The following SLC5A11 variants were observed in gnomAD, a reference collection of about 807,000 sequenced individuals.
The protein encoded by SLC5A11 is sodium/myo-inositol cotransporter 2.
SLC5A11 carries 48 observed loss-of-function variants against 69.8 expected under a neutral mutation model. The observed-to-expected ratio is 0.69, with a 90% CI of 0.55 to 0.87. The LOEUF (loss-of-function observed/expected upper bound fraction) is 0.87. Among genes scored for constraint, SLC5A11 ranks in the 40% least tolerant of loss-of-function variants. The probability of loss-of-function intolerance (pLI) is 0.00; values close to 1 mark genes in which losing one functional copy is unlikely to be tolerated. For synonymous variants in SLC5A11, 319 were observed against 342.4 expected (o/e 0.93, Z 0.75); for missense variants, 784 against 866.1 (o/e 0.91, Z 1.19).
intron 1 of SLC5A11, among the ~76,000 whole-genome samples, chr16:24,857,287 G>A (rs1318315225): frequency 5.9e-5 from 9 of 152,190 alleles, no homozygotes; most frequent in African/African-American, 1.9e-4. Context: ...AATGCCCAAA[G>A]GCCAACAGAG....
intron 8 of SLC5A11, among the ~76,000 whole-genome samples, chr16:24,888,863 C>T (rs901096616): frequency 8.1e-6 from 1 of 122,842 alleles, no homozygotes; most frequent in African/African-American, 3.1e-5. Context: ...GTGGTGTGAT[C>T]TTGGCTCACT....
At chr16:24,893,786 A>G (rs1200643871) in intron 9 of SLC5A11, among the ~76,000 whole-genome samples, 2 of 151,914 alleles carry the variant, frequency 1.3e-5, no homozygotes, top group African/African-American at 4.8e-5. Context: ...TGGCCAGGCT[A>G]GTCTTGAACT....
At chr16:24,850,491 G>A (rs752461801) in intron 1 of SLC5A11, among the ~76,000 whole-genome samples, 1 of 152,220 alleles carries the variant, frequency 6.6e-6, no homozygotes, top group Non-Finnish European at 1.5e-5. Context: ...GGCAGTCAGC[G>A]CCACTGCAGC....
chr16:24,866,461 C>G (rs550377979), intron 3 of SLC5A11, among the ~76,000 whole-genome samples: 1 of 151,576 alleles, frequency 6.6e-6, no homozygotes, highest in African/African-American at 2.4e-5. Flanking sequence ...GCCTGTAGTC[C>G]CAGCTACTCA....
intron 1 of SLC5A11, among the ~76,000 whole-genome samples, chr16:24,849,585 AAAAAAAAAATAT>A (rs1567552520): frequency 2.3e-5 from 2 of 86,938 alleles, no homozygotes; most frequent in African/African-American, 7.8e-5. Context: ...AAAAAAAAAA[AAAAAAAAAATAT>A]ATATATATAT....
intron 3 of SLC5A11, among the ~76,000 whole-genome samples, chr16:24,863,966 C>T (rs1040332098): frequency 1.3e-5 from 2 of 152,200 alleles, no homozygotes; most frequent in African/African-American, 2.4e-5. Flanking sequence ...TTTGACCTTA[C>T]GTAGAACTCA....
chr16:24,866,754 A>G (rs2046945180), intron 3 of SLC5A11, among the ~76,000 whole-genome samples: 1 of 152,118 alleles, frequency 6.6e-6, no homozygotes, highest in African/African-American at 2.4e-5. Context: ...GACAAAATAG[A>G]CTTTAAGATA....
chr16:24,901,027 A>G (rs2049552180), intron 10 of SLC5A11, among the ~76,000 whole-genome samples: 1 of 151,988 alleles, frequency 6.6e-6, no homozygotes, highest in Non-Finnish European at 1.5e-5. Context: ...TGGAGTGTGG[A>G]TATGAATATG....
chr16:24,904,947 A>AC (rs1237445359), intron 10 of SLC5A11, among the ~76,000 whole-genome samples: 2 of 146,718 alleles, frequency 1.4e-5, no homozygotes, highest in Non-Finnish European at 3.0e-5. Flanking sequence ...CTTGCCCTCC[A>AC]CCCCCCGACA....
At chr16:24,863,528 T>C (rs1489834594) in intron 3 of SLC5A11, among the ~76,000 whole-genome samples, 1 of 151,746 alleles carries the variant, frequency 6.6e-6, no homozygotes, top group Non-Finnish European at 1.5e-5. Context: ...TAAAGTAAAT[T>C]ACAGGCCCGC....
At chr16:24,911,470 C>T (rs1019390482) in exon 16 of SLC5A11, 6 of 1,614,144 alleles carry the variant, frequency 3.7e-6, no homozygotes, top group Middle Eastern at 1.6e-4. Context: ...TGAAGACCCT[C>T]CTGGACGTCA....
At chr16:24,883,111 T>A (rs1370088049) in intron 7 of SLC5A11, among the ~76,000 whole-genome samples, 1 of 152,180 alleles carries the variant, frequency 6.6e-6, no homozygotes, top group East Asian at 1.9e-4. Context: ...ACACCCGTAA[T>A]CCCAGCACCT....
intron 10 of SLC5A11, among the ~76,000 whole-genome samples, chr16:24,904,339 A>G (rs1473459056): frequency 1.3e-5 from 2 of 152,194 alleles, no homozygotes; most frequent in African/African-American, 2.4e-5. Flanking sequence ...AGTTTTCCAT[A>G]CTAGCTGTAG....
intron 7 of SLC5A11, among the ~76,000 whole-genome samples, chr16:24,881,699 G>A (rs1314153677): frequency 6.6e-6 from 1 of 152,166 alleles, no homozygotes; most frequent in Non-Finnish European, 1.5e-5. Flanking sequence ...CAGGCTGAGA[G>A]AAGGGCTGCA....
chr16:24,871,799 CCT>C (rs1357791354), intron 4 of SLC5A11, among the ~76,000 whole-genome samples: 2 of 152,030 alleles, frequency 1.3e-5, no homozygotes, highest in Non-Finnish European at 2.9e-5. Flanking sequence ...GTCTCGGAGA[CCT>C]GTGTTAACTC....
chr16:24,870,895 G>C (rs1489895363), intron 4 of SLC5A11, among the ~76,000 whole-genome samples: 2 of 151,560 alleles, frequency 1.3e-5, no homozygotes, highest in East Asian at 3.9e-4. Flanking sequence ...TACTTTAGAC[G>C]TCAATCGGCC....
chr16:24,889,635 C>T (rs916155589), intron 8 of SLC5A11, among the ~76,000 whole-genome samples: 3 of 143,376 alleles, frequency 2.1e-5, no homozygotes, highest in Non-Finnish European at 4.5e-5. Context: ...TCACTGCAAC[C>T]TCTACCTCCA....
At chr16:24,866,594 A>G (rs1362278448) in intron 3 of SLC5A11, among the ~76,000 whole-genome samples, 1 of 151,938 alleles carries the variant, frequency 6.6e-6, no homozygotes, top group African/African-American at 2.4e-5. Flanking sequence ...AAAAAAAGAT[A>G]CGAATGACTG....
chr16:24,905,638 G>GCGCGCGCGCGCACGCACA (rs1555534421), intron 10 of SLC5A11, among the ~76,000 whole-genome samples: 6 of 70,228 alleles, frequency 8.5e-5, no homozygotes, highest in African/African-American at 1.7e-4. Context: ...ACGCGCGCGC[G>GCGCGCGCGCGCACGCACA]CGCACACACA....
Sources: allele counts gnomAD v4.1 joint callset (sites outside exome capture counted in the v4.1 genomes callset), GRCh38; gene constraint gnomAD v4.1.1; transcripts MANE v1.5; gene names NCBI Gene and HGNC (gene_info 2026-07-23, HGNC 2026-07-21).